The following CXADR variants were observed in gnomAD, a reference collection of about 807,000 sequenced individuals.
CXADR encodes the protein CXADR cell adhesion molecule.
A neutral mutation model predicts 40.3 loss-of-function variants in CXADR; 20 were observed. The ratio of observed to expected loss-of-function variants is 0.50; its 90% confidence interval spans 0.35 to 0.72. The LOEUF (loss-of-function observed/expected upper bound fraction) is 0.72. Ranked by LOEUF, CXADR falls within the 30% of genes least tolerant of loss-of-function variation. The pLI, the probability that CXADR is intolerant of heterozygous loss-of-function variation, is 0.01. For missense variants in CXADR, 332 were observed against 449.1 expected (o/e 0.74, Z 2.36); for synonymous variants, 150 against 161.3 (o/e 0.93, Z 0.53).
chr21:17,550,557 C>T (rs2060953855), intron 2 of CXADR, among the ~76,000 whole-genome samples: 1 of 152,032 alleles, frequency 6.6e-6, no homozygotes, highest in Non-Finnish European at 1.5e-5. Context: ...AGGATACAGG[C>T]CGTAGTTGTG....
At chr21:17,580,570 A>G (rs1390402807) in intron 7 of CXADR, among the ~76,000 whole-genome samples, 1 of 152,098 alleles carries the variant, frequency 6.6e-6, no homozygotes, top group Non-Finnish European at 1.5e-5. Context: ...TGATCGCACT[A>G]CTGAACTCCG....
Position 17,538,201 on chromosome 21 carries a change from G to A in CXADR, c.44-8826G>A, listed in dbSNP as rs149762066. ...ATTTTAGTAGAGATGGGGTTTCACC[G>A]TGTTAGCCAGGATGGTCTCAGATCT... On this transcript the variant is annotated intron_variant, in intron 1 of 6. Transcript: ENST00000284878. Among the ~76,000 whole-genome samples, 1,197 of 44,384 alleles carry A rather than the reference G, an allele frequency of 0.027. 67 individuals are homozygous for A. In the East Asian group the frequency reaches 0.32, roughly 12 times the overall value. 29.1% of individuals were successfully genotyped at this position (44,384 alleles called of 152,430 possible).
Position 17,517,004 on chromosome 21 carries a change from GA to G in CXADR, c.43+3840del, listed in dbSNP as rs951287508. ...ATAAAATAAATTGAGGTGTTTGGATGAAAAAAAATACAAGAGCTTTGCCTTC... is the reference window on the plus strand; with the variant it reads ...ATAAAATAAATTGAGGTGTTTGGATGAAAAAAATACAAGAGCTTTGCCTTC... On this transcript the variant is annotated intron_variant, in intron 1 of 6. Transcript: ENST00000284878. Among the ~76,000 whole-genome samples the G allele has an allele frequency of 9.2e-5, 14 of 151,814 alleles. No homozygotes were observed. In the East Asian group the frequency reaches 2.3e-3, roughly 25 times the overall value.
chr21:17,563,940 C>CCAAAAAAAAAAAAAAAAAAAAAAAA (rs2061161835), intron 6 of CXADR, among the ~76,000 whole-genome samples: 1 of 37,222 alleles, frequency 2.7e-5, no homozygotes, highest in Non-Finnish European at 5.7e-5. Flanking sequence ...GACTCTGTCT[C>CCAAAAAAAAAAAAAAAAAAAAAAAA]AAAAAAAAAA....
intron 7 of CXADR, among the ~76,000 whole-genome samples, chr21:17,588,504 T>G (rs556476195): frequency 5.1e-4 from 77 of 152,340 alleles, no homozygotes; most frequent in Middle Eastern, 3.4e-3. Context: ...CAATTGTGAA[T>G]GGGAGTTCAC....
At chr21:17,575,218 T>G (rs920856261) in intron 7 of CXADR, among the ~76,000 whole-genome samples, 30 of 152,114 alleles carry the variant, frequency 2.0e-4, no homozygotes, top group Admixed American at 1.7e-3. Context: ...AGGGTCTTGC[T>G]CTATTGCCCA....
At chr21:17,594,034 T>TG, downstream of CXADR, 1 of 1,552,504 alleles carries the variant, frequency 6.4e-7, no homozygotes, top group Admixed American at 2.0e-5. Context: ...ACTTTTAATG[T>TG]GTAGTAAGGT....
At chr21:17,552,024 G>C (rs1056468904) in intron 3 of CXADR, 71 bp downstream of exon 3, 4 of 1,150,118 alleles carry the variant, frequency 3.5e-6, no homozygotes, top group Non-Finnish European at 5.1e-6. Context: ...TGTAGTAGCA[G>C]CACTTGTATA....
chr21:17,560,595 C>T (rs914709599), intron 4 of CXADR, 107 bp from the exon 5 acceptor site: 3 of 1,137,940 alleles, frequency 2.6e-6, no homozygotes, highest in African/African-American at 3.1e-5. Context: ...CTTGGTCTGT[C>T]TTGCTTTTAA....
At chr21:17,573,173 C>T (rs2123357528), downstream of CXADR, among the ~76,000 whole-genome samples, 1 of 151,602 alleles carries the variant, frequency 6.6e-6, no homozygotes, top group East Asian at 2.0e-4. Flanking sequence ...GCATGTCTAC[C>T]ACCGTGTGTA....
At chr21:17,528,700 G>A (rs534210313) in intron 1 of CXADR, among the ~76,000 whole-genome samples, 26 of 152,180 alleles carry the variant, frequency 1.7e-4, no homozygotes, top group African/African-American at 2.4e-4. Context: ...GAGGCAGCAC[G>A]CCCGGCCAAC....
chr21:17,606,628 C>A, the CXADR span, among the ~76,000 whole-genome samples: 1 of 152,046 alleles, frequency 6.6e-6, no homozygotes, highest in Non-Finnish European at 1.5e-5. Context: ...AATATAGATG[C>A]TTAAACAGAG....
chr21:17,606,514 T>C, the CXADR span, among the ~76,000 whole-genome samples: 1 of 152,290 alleles, frequency 6.6e-6, no homozygotes, highest in South Asian at 2.1e-4. Flanking sequence ...CCATGTGCTC[T>C]GGGACCAAAA....
At chr21:17,622,396 T>C in the CXADR span, among the ~76,000 whole-genome samples, 1 of 152,102 alleles carries the variant, frequency 6.6e-6, no homozygotes, top group Admixed American at 6.6e-5. Context: ...CTTTAGGAGG[T>C]AATGGCAGCA....
chr21:17,515,018 G>A (rs1007768467), intron 1 of CXADR, among the ~76,000 whole-genome samples: 1 of 151,836 alleles, frequency 6.6e-6, no homozygotes, highest in African/African-American at 2.4e-5. Context: ...ACAATTCTAA[G>A]AAATAATATT....
intron 1 of CXADR, among the ~76,000 whole-genome samples, chr21:17,543,349 T>G (rs1340948175): frequency 6.6e-6 from 1 of 152,242 alleles, no homozygotes; most frequent in Non-Finnish European, 1.5e-5. Context: ...AGTTGTATTT[T>G]ATTTTGATCA....
chr21:17,515,468 C>G (rs971965266), intron 1 of CXADR, among the ~76,000 whole-genome samples: 6 of 150,174 alleles, frequency 4.0e-5, no homozygotes, highest in Non-Finnish European at 8.9e-5. Context: ...AGAAGACATA[C>G]TAATTGATGA....
the CXADR span, among the ~76,000 whole-genome samples, chr21:17,606,358 GTACC>G: frequency 6.6e-6 from 1 of 152,038 alleles, no homozygotes; most frequent in African/African-American, 2.4e-5. Flanking sequence ...CTGTATATAC[GTACC>G]TATCTTAGCG....
At chr21:17,579,501 G>T (rs181890399) in intron 7 of CXADR, among the ~76,000 whole-genome samples, 1 of 152,244 alleles carries the variant, frequency 6.6e-6, no homozygotes, top group Admixed American at 6.5e-5. Flanking sequence ...AGCCAGGATG[G>T]TCTCGATCTC....
Sources: gnomAD v4.1 joint callset for allele counts (sites outside exome capture counted in the v4.1 genomes callset) on GRCh38, gnomAD v4.1.1 for gene constraint, MANE v1.5 for transcripts, NCBI Gene and HGNC (gene_info 2026-07-23, HGNC 2026-07-21) for gene names.